Variants in SLC20A2 observed in about 807,000 individuals in gnomAD.
The protein encoded by SLC20A2 is solute carrier family 20 member 2.
In SLC20A2, 30 loss-of-function variants were observed where a neutral mutation model predicts 61.0. The observed-to-expected ratio is 0.49, with a 90% confidence interval of 0.37 to 0.67. The LOEUF is 0.67. Ranked by LOEUF, SLC20A2 falls within the 30% of genes least tolerant of loss-of-function variation. SLC20A2 has a pLI of 0.00. For missense variants in SLC20A2, 626 were observed against 866.4 expected (o/e 0.72, Z 3.48); for synonymous variants, 351 against 353.3 (o/e 0.99, Z 0.07).
chr8:42,464,090 ATCTTT>A (rs1806927563), intron 3 of SLC20A2, among the ~76,000 whole-genome samples: 2 of 20,022 alleles, frequency 1.0e-4, no homozygotes, highest in African/African-American at 2.2e-4. Context: ...AGGCTGGATG[ATCTTT>A]TTTTTTTTTT....
chr8:42,482,662 A>G (rs1563509615), intron 1 of SLC20A2, among the ~76,000 whole-genome samples: 1 of 152,114 alleles, frequency 6.6e-6, no homozygotes, highest in Admixed American at 6.6e-5. Flanking sequence ...TCAAGGCTAC[A>G]GTGAGACTGG....
At chr8:42,507,930 C>T (rs1022218087) in intron 1 of SLC20A2, among the ~76,000 whole-genome samples, 6 of 151,926 alleles carry the variant, frequency 3.9e-5, no homozygotes, top group Non-Finnish European at 7.4e-5. Context: ...GAGGCTGAGG[C>T]GGGCGGATCA....
chr8:42,491,661 A>G (rs1467715928), intron 1 of SLC20A2, among the ~76,000 whole-genome samples: 1 of 150,602 alleles, frequency 6.6e-6, no homozygotes, highest in Non-Finnish European at 1.5e-5. Context: ...ACAGAGTGAG[A>G]CTCCATCTCA....
chr8:42,486,534 T>G (rs1809026671), intron 1 of SLC20A2, among the ~76,000 whole-genome samples: 1 of 152,214 alleles, frequency 6.6e-6, no homozygotes, highest in Admixed American at 6.5e-5. Context: ...ATGGATGGAA[T>G]CTCTGTTATT....
intron 5 of SLC20A2, 26 bp from the exon 6 acceptor site, chr8:42,444,788 T>C: frequency 6.3e-7 from 1 of 1,579,098 alleles, no homozygotes; most frequent in African/African-American, 1.3e-5. Context: ...AGAAGCAGTG[T>C]CATTACTGGA....
chr8:42,444,600 G>T, intron 6 of SLC20A2, 46 bp downstream of exon 6: 1 of 1,428,894 alleles, frequency 7.0e-7, no homozygotes, highest in Non-Finnish European at 9.9e-7. Flanking sequence ...GAGGTTTTGG[G>T]AATCGGGAGC....
intron 1 of SLC20A2, among the ~76,000 whole-genome samples, chr8:42,510,642 G>A (rs964496000): frequency 6.6e-6 from 1 of 152,094 alleles, no homozygotes; most frequent in African/African-American, 2.4e-5. Flanking sequence ...GCTTTCTGAG[G>A]AAAAGAGGGC....
At chr8:42,460,063 T>A (rs1806579440) in intron 4 of SLC20A2, 71 bp from the exon 5 acceptor site, 1 of 832,872 alleles carries the variant, frequency 1.2e-6, no homozygotes, top group Non-Finnish European at 2.0e-6. Context: ...ACAGACAAAA[T>A]GATACAAAAT....
intron 1 of SLC20A2, among the ~76,000 whole-genome samples, chr8:42,492,184 G>A (rs188065244): frequency 8.6e-4 from 131 of 152,270 alleles, no homozygotes; most frequent in Non-Finnish European, 1.5e-3. Context: ...GTGAAACCCT[G>A]TCTCTTCTAA....
At chr8:42,425,014 C>T (rs1191111053) in intron 10 of SLC20A2, among the ~76,000 whole-genome samples, 1 of 152,140 alleles carries the variant, frequency 6.6e-6, no homozygotes, top group African/African-American at 2.4e-5. Context: ...CCACTGCACT[C>T]CAGCCTGGGC....
At chr8:42,455,257 T>TATATATATATATAGAG (rs1357416749) in intron 5 of SLC20A2, among the ~76,000 whole-genome samples, 3 of 81,618 alleles carry the variant, frequency 3.7e-5, no homozygotes, top group African/African-American at 1.3e-4. Context: ...TATATATATA[T>TATATATATATATAGAG]AGAGAGAGAG....
chr8:42,422,341 C>T lies in SLC20A2; in HGVS notation c.1795-4374G>A, dbSNP rs140720611. ...GTGCTGGGATTACAGGCACGAGCCA[C>T]CATGCCCAGCCAAATATTGTTGATG... On this transcript the variant is annotated intron_variant, in intron 10 of 10. Coordinates refer to ENST00000520262, the MANE Select transcript of SLC20A2 (RefSeq NM_001257180.2). 3.7e-3 allele frequency among the ~76,000 whole-genome samples: 559 copies of T among 152,330 alleles called. 1 individual carries two copies. The highest frequency in any genetic ancestry group is 0.012 in the African/African-American group (518 of 41,572).
intron 1 of SLC20A2, among the ~76,000 whole-genome samples, chr8:42,525,142 G>A (rs900432617): frequency 3.9e-5 from 6 of 152,100 alleles, no homozygotes; most frequent in African/African-American, 9.7e-5. Flanking sequence ...AGGACTGCTG[G>A]TGCCACACCC....
At chr8:42,526,255 C>G (rs1207809259) in intron 1 of SLC20A2, among the ~76,000 whole-genome samples, 1 of 152,114 alleles carries the variant, frequency 6.6e-6, no homozygotes, top group Non-Finnish European at 1.5e-5. Context: ...CCTGAAACTC[C>G]TAACCCCAGC....
At chr8:42,462,913 A>G in intron 4 of SLC20A2, 92 bp downstream of exon 4, 1 of 679,902 alleles carries the variant, frequency 1.5e-6, no homozygotes, top group Non-Finnish European at 2.5e-6. Flanking sequence ...TATGAATACA[A>G]TTATTCCTCT....
chr8:42,429,194 CAA>C (rs1803655786), intron 9 of SLC20A2, among the ~76,000 whole-genome samples: 2 of 152,226 alleles, frequency 1.3e-5, no homozygotes, highest in African/African-American at 4.8e-5. Context: ...GCACTAATTA[CAA>C]AAGAGTGTAT....
intron 8 of SLC20A2, among the ~76,000 whole-genome samples, chr8:42,432,903 C>T (rs188954191): frequency 5.2e-4 from 79 of 152,230 alleles, no homozygotes; most frequent in African/African-American, 1.8e-3. Context: ...ACTGGGACAC[C>T]AAAAACTTCA....
At chr8:42,529,042 G>A (rs1241471458) in intron 1 of SLC20A2, among the ~76,000 whole-genome samples, 2 of 151,684 alleles carry the variant, frequency 1.3e-5, no homozygotes, top group Non-Finnish European at 2.9e-5. Context: ...TGGCGTGATC[G>A]TACCTCACCA....
At position 42,438,063 on chromosome 8, in the gene SLC20A2, C is replaced by CAAAAAAAAAAAAAAAAAAAAA. The variant is rs1391262305; in HGVS notation, c.935-507_935-487dup. Among the ~76,000 whole-genome samples the CAAAAAAAAAAAAAAAAAAAAA allele has an allele frequency of 3.0e-4, 8 of 26,822 alleles. 1 individual carries two copies. The highest frequency in any genetic ancestry group is 4.9e-4 in the Non-Finnish European group (6 of 12,238). 17.6% of individuals were successfully genotyped at this position (26,822 alleles called of 152,430 possible). ...TATGGTTACCACTAAAAAAAAAAAC[C>CAAAAAAAAAAAAAAAAAAAAA]AAAAAAAAAAAAAAAAAAAAAAAAA... On this transcript the variant is annotated intron_variant, in intron 7 of 10. Transcript: ENST00000520262.
Sources: gnomAD v4.1 joint callset for allele counts (sites outside exome capture counted in the v4.1 genomes callset) on GRCh38, gnomAD v4.1.1 for gene constraint, MANE v1.5 for transcripts, NCBI Gene and HGNC (gene_info 2026-07-23, HGNC 2026-07-21) for gene names.